The following TRIM33 variants were observed in gnomAD, a reference collection of about 807,000 sequenced individuals.
TRIM33 encodes tripartite motif containing 33.
A neutral mutation model predicts 125.4 loss-of-function variants in TRIM33; 20 were observed. The observed-to-expected ratio is 0.16, with a 90% CI of 0.11 to 0.23. The LOEUF is 0.23. Among genes scored for constraint, TRIM33 ranks in the 10% least tolerant of loss-of-function variants. TRIM33 has a pLI of 1.00. For synonymous variants in TRIM33, 564 were observed against 513.9 expected, an observed-to-expected ratio of 1.10 and a Z score of -1.32; for missense variants, 920 against 1,411.4, an observed-to-expected ratio of 0.65 and a Z score of 5.58.
Position 114,511,016 on chromosome 1 carries a change from G to C in TRIM33, c.61C>G (p.Pro21Ala), listed in dbSNP as rs1457254942. 1 of 1,322,154 alleles carries C rather than the reference G, an allele frequency of 7.6e-7. No homozygotes were observed. The highest frequency in any genetic ancestry group is 9.6e-7 in the Non-Finnish European group (1 of 1,036,928). 81.9% of individuals were successfully genotyped at this position (1,322,154 alleles called of 1,614,324 possible). Residue 21 changes from proline to alanine, a missense_variant, in exon 1 of 20, where the codon CCG becomes GCG. Coordinates refer to ENST00000358465, the MANE Select transcript of TRIM33 (RefSeq NM_015906.4). Reference protein sequence around the residue: ...ESGGGGSGSAPVTAGAAGPAA... With the variant: ...ESGGGGSGSAAVTAGAAGPAA... ...GGCCCGGCGGCCCCGGCAGTTACCG[G>C]CGCGCTGCCGCTGCCCCCGCCGCCG...
At chr1:114,439,114 C>T (rs1230496114) in intron 4 of TRIM33, among the ~76,000 whole-genome samples, 1 of 152,210 alleles carries the variant, frequency 6.6e-6, no homozygotes, top group Non-Finnish European at 1.5e-5. Context: ...TTACCTAAGA[C>T]TTCATTAGAA....
chr1:114,420,357 C>G (rs1185270060), intron 11 of TRIM33: 1 of 1,312,604 alleles, frequency 7.6e-7, no homozygotes, highest in Non-Finnish European at 1.0e-6. Flanking sequence ...TTGGATCTAA[C>G]AGAAGAACAA....
At chr1:114,452,654 G>C (rs989224933) in intron 4 of TRIM33, among the ~76,000 whole-genome samples, 1 of 150,596 alleles carries the variant, frequency 6.6e-6, no homozygotes, top group Non-Finnish European at 1.5e-5. Flanking sequence ...CCAACAATTT[G>C]GGAGGCCAAG....
At chr1:114,500,472 G>A (rs1652643478) in intron 1 of TRIM33, among the ~76,000 whole-genome samples, 1 of 151,988 alleles carries the variant, frequency 6.6e-6, no homozygotes, top group South Asian at 2.1e-4. Context: ...CTGAGTAGCT[G>A]GGACTACAGG....
intron 11 of TRIM33, among the ~76,000 whole-genome samples, chr1:114,411,217 T>G (rs1201313926): frequency 1.3e-5 from 2 of 150,794 alleles, no homozygotes; most frequent in Admixed American, 6.6e-5. Flanking sequence ...ATTTTTGTGT[T>G]TTTTTTTTAT....
rs543062708 is a variant in TRIM33 at position 114,394,750 on chromosome 1, C to T, written c.*2898G>A. 1 of 200,944 alleles carries T rather than the reference C, an allele frequency of 5.0e-6. No individual in the cohort carries two copies. Among genetic ancestry groups the T allele is most frequent in the Non-Finnish European group, 1.0e-5 (1 of 97,448 alleles). The allele number at this position is 200,944 out of a possible 1,614,324, so 12.4% of individuals were successfully genotyped here. On this transcript the variant is annotated 3_prime_UTR_variant, in exon 20 of 20. Transcript: ENST00000358465. Reference sequence around the variant, plus strand: ...ATCTAACCATACTTTAGAACTTTCACATGCTTTGCCTCATAAAGCAATTCC... The same window carrying T: ...ATCTAACCATACTTTAGAACTTTCATATGCTTTGCCTCATAAAGCAATTCC...
At chr1:114,459,519 C>T (rs1405893191) in intron 4 of TRIM33, among the ~76,000 whole-genome samples, 1 of 152,184 alleles carries the variant, frequency 6.6e-6, no homozygotes, top group Non-Finnish European at 1.5e-5. Context: ...CCCGTAATCT[C>T]AGCTACTGGT....
chr1:114,510,288 G>A (rs952621192), intron 1 of TRIM33, among the ~76,000 whole-genome samples: 8 of 152,082 alleles, frequency 5.3e-5, no homozygotes, highest in East Asian at 3.9e-4. Flanking sequence ...GCTCGGCCGG[G>A]TTCCGCACAT....
At chr1:114,440,909 C>G (rs769943611) in intron 4 of TRIM33, among the ~76,000 whole-genome samples, 2 of 152,198 alleles carry the variant, frequency 1.3e-5, no homozygotes, top group African/African-American at 2.4e-5. Flanking sequence ...ACAATCACAA[C>G]GCACATTTTT....
chr1:114,495,240 AAGGCT>A (rs1438346730), intron 1 of TRIM33, among the ~76,000 whole-genome samples: 1 of 152,120 alleles, frequency 6.6e-6, no homozygotes, highest in Non-Finnish European at 1.5e-5. Context: ...TAAATGCAAG[AAGGCT>A]AGGCAAGTTT....
intron 15 of TRIM33, chr1:114,404,523 T>A (rs1652112128): frequency 1.3e-5 from 2 of 152,156 alleles, no homozygotes; most frequent in Non-Finnish European, 2.9e-5. Flanking sequence ...ATTCTGACAT[T>A]CCAGTAAATA....
intron 1 of TRIM33, among the ~76,000 whole-genome samples, chr1:114,497,764 G>A (rs1652457504): frequency 6.6e-6 from 1 of 151,970 alleles, no homozygotes; most frequent in South Asian, 2.1e-4. Flanking sequence ...ACAATTAACA[G>A]GCCCCACACA....
chr1:114,497,259 T>G (rs1003404897), intron 1 of TRIM33, among the ~76,000 whole-genome samples: 2 of 152,230 alleles, frequency 1.3e-5, no homozygotes, highest in Non-Finnish European at 2.9e-5. Flanking sequence ...TGCGTGGCTG[T>G]GTTCAAATAA....
At chr1:114,502,160 A>G (rs912377104) in intron 1 of TRIM33, among the ~76,000 whole-genome samples, 3 of 152,208 alleles carry the variant, frequency 2.0e-5, no homozygotes, top group Non-Finnish European at 4.4e-5. Context: ...ACATTTTACT[A>G]AAGGGAGGCT....
At chr1:114,419,623 CAA>C (rs1033680340) in intron 11 of TRIM33, among the ~76,000 whole-genome samples, 7 of 151,580 alleles carry the variant, frequency 4.6e-5, no homozygotes, top group Non-Finnish European at 1.0e-4. Context: ...TTCCCTCAGC[CAA>C]AAAAGACTTC....
chr1:114,506,737 A>C (rs1224677275), intron 1 of TRIM33, among the ~76,000 whole-genome samples: 1 of 152,150 alleles, frequency 6.6e-6, no homozygotes, highest in Non-Finnish European at 1.5e-5. Flanking sequence ...TCACAAAAAC[A>C]CTTTAAAAAG....
chr1:114,472,452 G>A (rs1266504067), intron 1 of TRIM33, among the ~76,000 whole-genome samples: 1 of 152,206 alleles, frequency 6.6e-6, no homozygotes, highest in Non-Finnish European at 1.5e-5. Flanking sequence ...TACAGAAGTG[G>A]CCAGATGCTG....
chr1:114,395,499 T>A lies in TRIM33; in HGVS notation c.*2149A>T, dbSNP rs1651495109. The A allele has an allele frequency of 5.0e-6, 1 of 200,264 alleles. No homozygotes were observed. Among genetic ancestry groups the A allele is most frequent in the South Asian group, 1.9e-4 (1 of 5,260 alleles). The allele number at this position is 200,264 out of a possible 1,614,324, so 12.4% of individuals were successfully genotyped here. A position where few individuals can be genotyped will look rare whatever the true frequency, so the allele number is the denominator to read the frequency against. ...TTAAAAGGATCCATTTGAAGAGCAA[T>A]ACAAAATATTAGAACTCAAAGGCCT... On this transcript the variant is annotated 3_prime_UTR_variant, in exon 20 of 20. Coordinates refer to ENST00000358465, the MANE Select transcript of TRIM33 (RefSeq NM_015906.4).
At chr1:114,432,592 C>T (rs1648030428) in intron 5 of TRIM33, among the ~76,000 whole-genome samples, 1 of 152,178 alleles carries the variant, frequency 6.6e-6, no homozygotes, top group Admixed American at 6.5e-5. Context: ...CAAGACCATC[C>T]TGGCTAACAC....
Sources: gnomAD v4.1 joint callset for allele counts (sites outside exome capture counted in the v4.1 genomes callset) on GRCh38, gnomAD v4.1.1 for gene constraint, MANE v1.5 for transcripts, NCBI Gene and HGNC (gene_info 2026-07-23, HGNC 2026-07-21) for gene names.